Variants in PBRM1 observed in about 807,000 individuals in gnomAD.
PBRM1 encodes protein polybromo-1.
A neutral mutation model predicts 194.5 loss-of-function variants in PBRM1; 27 were observed. The observed-to-expected ratio is 0.14, with a 90% CI of 0.10 to 0.19. PBRM1 has a LOEUF of 0.19. Among genes scored for constraint, PBRM1 ranks in the 10% least tolerant of loss-of-function variants. The pLI is 1.00. For missense variants in PBRM1, 1,466 were observed against 2,077.2 expected (o/e 0.71, Z 5.72); for synonymous variants, 655 against 693.2 (o/e 0.94, Z 0.87).
intron 15 of PBRM1, among the ~76,000 whole-genome samples, chr3:52,614,745 A>G (rs969548570): frequency 3.2e-4 from 48 of 151,922 alleles, no homozygotes; most frequent in African/African-American, 1.0e-3. Context: ...TAATTTTTGT[A>G]TTTTTAGTAA....
intron 17 of PBRM1, among the ~76,000 whole-genome samples, chr3:52,601,655 A>C (rs1222491706): frequency 6.6e-6 from 1 of 151,960 alleles, no homozygotes; most frequent in Non-Finnish European, 1.5e-5. Context: ...TGGGCTGTCA[A>C]GGGGGCCATG....
At chr3:52,664,059 C>CA (rs748042916) in intron 3 of PBRM1, among the ~76,000 whole-genome samples, 2,190 of 92,786 alleles carry the variant, frequency 0.024, 35 homozygotes, top group Middle Eastern at 0.035. Context: ...GACTCCGTCT[C>CA]AAAAAAAAAA....
At chr3:52,647,307 A>T (rs2096323138) in intron 7 of PBRM1, among the ~76,000 whole-genome samples, 1 of 151,464 alleles carries the variant, frequency 6.6e-6, no homozygotes, top group South Asian at 2.1e-4. Flanking sequence ...CAACACCTGG[A>T]TATTGCTGGT....
intron 12 of PBRM1, 52 bp from the exon 14 acceptor site, chr3:52,627,422 G>A (rs1389105756): frequency 9.9e-7 from 1 of 1,008,024 alleles, no homozygotes; most frequent in Non-Finnish European, 1.6e-6. Context: ...ACACTCCTCT[G>A]AATATATGAA....
At chr3:52,558,989 A>C (rs2153462079) in intron 25 of PBRM1, among the ~76,000 whole-genome samples, 1 of 152,304 alleles carries the variant, frequency 6.6e-6, no homozygotes, top group Non-Finnish European at 1.5e-5. Flanking sequence ...TTTTAGGGAA[A>C]CAACTAATTT....
chr3:52,620,775 C>A, intron 13 of PBRM1, among the ~76,000 whole-genome samples: 1 of 152,142 alleles, frequency 6.6e-6, no homozygotes, highest in East Asian at 1.9e-4. Flanking sequence ...CTAGTAGCAT[C>A]CTTTCTCCAT....
chr3:52,635,495 G>A (rs1484604313), intron 10 of PBRM1, among the ~76,000 whole-genome samples: 2 of 152,018 alleles, frequency 1.3e-5, no homozygotes, highest in Non-Finnish European at 2.9e-5. Flanking sequence ...GAACCCAGAA[G>A]GCGGAGGTTG....
chr3:52,637,628 G>A (rs1405102403), intron 10 of PBRM1, among the ~76,000 whole-genome samples: 2 of 150,774 alleles, frequency 1.3e-5, no homozygotes, highest in African/African-American at 4.9e-5. Context: ...GTAAAACCCA[G>A]TCTCAAGAAA....
Position 52,579,170 on chromosome 3 carries a change from G to A in PBRM1, c.3417C>T (p.Ser1139=), listed in dbSNP as rs560370909. 4 of 1,613,936 alleles carry A rather than the reference G, an allele frequency of 2.5e-6. No homozygotes were observed. The African/African-American group carries it at 5.3e-5, about 22-fold the overall frequency. Residue 1139 remains serine, a synonymous_variant, in exon 21 of 30, where the codon TCC becomes TCT. Coordinates refer to ENST00000296302, the Ensembl canonical transcript of PBRM1. ...AGTAGTGGCAACCTGGTTCACCATT[G>A]GACATTTCCACAGGGACATCTTCTT...
chr3:52,546,570 T>C (rs879651890), downstream of PBRM1: 8 of 230,088 alleles, frequency 3.5e-5, no homozygotes, highest in East Asian at 1.3e-4. Context: ...TACTGATTCA[T>C]AGCAGATTAA....
At chr3:52,578,167 A>C (rs2090176350) in intron 21 of PBRM1, among the ~76,000 whole-genome samples, 1 of 152,056 alleles carries the variant, frequency 6.6e-6, no homozygotes, top group Non-Finnish European at 1.5e-5. Flanking sequence ...GGCCTATATA[A>C]ACCATTCTCC....
intron 22 of PBRM1, among the ~76,000 whole-genome samples, chr3:52,573,179 C>T (rs1396762757): frequency 6.6e-6 from 1 of 152,212 alleles, no homozygotes; most frequent in East Asian, 1.9e-4. Flanking sequence ...AGTAACTTCA[C>T]CTTTCTGACA....
At chr3:52,648,251 A>T in intron 7 of PBRM1, 93 bp downstream of exon 8, 2 of 735,116 alleles carry the variant, frequency 2.7e-6, no homozygotes, top group South Asian at 3.4e-5. Flanking sequence ...TATGTGAATT[A>T]TATCTCAATA....
At chr3:52,563,772 A>G (rs1398696120) in intron 23 of PBRM1, among the ~76,000 whole-genome samples, 1 of 151,446 alleles carries the variant, frequency 6.6e-6, no homozygotes, top group Non-Finnish European at 1.5e-5. Flanking sequence ...TAATCTGTGG[A>G]ACTGAGAAAT....
intron 17 of PBRM1, among the ~76,000 whole-genome samples, chr3:52,597,972 G>T (rs750341473): frequency 6.6e-6 from 1 of 152,076 alleles, no homozygotes; most frequent in Non-Finnish European, 1.5e-5. Flanking sequence ...CCAAAGTGCT[G>T]GGATTACAGG....
At chr3:52,648,860 C>CA in intron 6 of PBRM1, among the ~76,000 whole-genome samples, 1 of 152,286 alleles carries the variant, frequency 6.6e-6, no homozygotes, top group East Asian at 1.9e-4. Flanking sequence ...AATATGAAAT[C>CA]AGTCCAGCAC....
intron 3 of PBRM1, among the ~76,000 whole-genome samples, chr3:52,662,841 A>C (rs75550478): frequency 6.9e-6 from 1 of 145,232 alleles, no homozygotes; most frequent in African/African-American, 2.5e-5. Flanking sequence ...AAAAAAAAAA[A>C]CACCAAAAAA....
At chr3:52,665,330 ATT>A (rs5848957) in intron 3 of PBRM1, among the ~76,000 whole-genome samples, 15 of 146,736 alleles carry the variant, frequency 1.0e-4, no homozygotes, top group Middle Eastern at 3.6e-3. Context: ...AATTAAAACA[ATT>A]TTTTTTTTTT....
upstream of PBRM1, chr3:52,685,894 C>T: frequency 1.6e-6 from 1 of 630,190 alleles, no homozygotes. Context: ...CCTTACCCCT[C>T]CCGGTGCCGC....
Sources: gnomAD v4.1 joint callset for allele counts (sites outside exome capture counted in the v4.1 genomes callset) on GRCh38, gnomAD v4.1.1 for gene constraint, MANE v1.5 for transcripts, NCBI Gene and HGNC (gene_info 2026-07-23, HGNC 2026-07-21) for gene names.